PTPN21: variants seen among roughly 807,000 people sequenced by gnomAD.
The protein encoded by PTPN21 is tyrosine-protein phosphatase non-receptor type 21.
A neutral mutation model predicts 131.8 loss-of-function variants in PTPN21; 77 were observed. The ratio of observed to expected loss-of-function variants is 0.58; its 90% CI spans 0.49 to 0.71. PTPN21 has a LOEUF of 0.71. Ranked by LOEUF, PTPN21 falls within the 30% of genes least tolerant of loss-of-function variation. The probability of loss-of-function intolerance (pLI) is 0.00; values close to 1 mark genes in which losing one functional copy is unlikely to be tolerated. For missense variants in PTPN21, 1,552 were observed against 1,527.1 expected (o/e 1.02, Z -0.27); for synonymous variants, 715 against 621.3 (o/e 1.15, Z -2.24).
rs2077379097 is a variant in PTPN21 at position 88,467,250 on chromosome 14, T to C, written c.*887A>G. 1 of 151,586 alleles carries C rather than the reference T, an allele frequency of 6.6e-6. No individual in the cohort carries two copies. The highest frequency in any genetic ancestry group is 6.6e-5 in the Admixed American group (1 of 15,254). The allele number at this position is 151,586 out of a possible 1,614,324, so 9.4% of individuals were successfully genotyped here. ...ATTGTGTCATCTACAAAGCAACACA[T>C]ATATTAAAACTCAGATTTGTTTTTA... On this transcript the variant is annotated 3_prime_UTR_variant, in exon 19 of 19. Transcript: ENST00000556564.
At chr14:88,476,021 C>A (rs935317229) in intron 13 of PTPN21, among the ~76,000 whole-genome samples, 2 of 152,142 alleles carry the variant, frequency 1.3e-5, no homozygotes, top group African/African-American at 2.4e-5. Flanking sequence ...AAGGGTACAA[C>A]AAAAAGAAAA....
intron 3 of PTPN21, chr14:88,515,293 C>T (rs552565995): frequency 1.3e-5 from 2 of 152,308 alleles, no homozygotes; most frequent in South Asian, 4.1e-4. Context: ...TATTGATTGA[C>T]TCTAATAGGC....
At chr14:88,493,852 G>C (rs976512628) in intron 10 of PTPN21, among the ~76,000 whole-genome samples, 4 of 152,188 alleles carry the variant, frequency 2.6e-5, no homozygotes, top group African/African-American at 4.8e-5. Context: ...ACAGCACCAA[G>C]ACATCTTGAA....
chr14:88,552,287 C>T (rs1244511329), intron 1 of PTPN21: 1 of 152,328 alleles, frequency 6.6e-6, no homozygotes, highest in South Asian at 2.1e-4. Context: ...GAATGGCAGA[C>T]CTGGAGAAAA....
At chr14:88,551,106 T>C (rs1026455132) in intron 1 of PTPN21, 1 of 152,132 alleles carries the variant, frequency 6.6e-6, no homozygotes, top group Non-Finnish European at 1.5e-5. Context: ...TAATCCCCAC[T>C]AAGAAAGGCA....
At chr14:88,493,201 GAC>G (rs2077851285) in intron 10 of PTPN21, 1 of 385,480 alleles carries the variant, frequency 2.6e-6, no homozygotes, top group South Asian at 1.9e-5. Context: ...TATAATGCTT[GAC>G]ACAGAGCAAG....
chr14:88,469,909 A>C lies in PTPN21; in HGVS notation c.3000+13T>G. On this transcript the variant is annotated intron_variant, in intron 16 of 18. Transcript: ENST00000556564. This position sits in a 1 kb window ranked among gnomAD's most constrained non-coding sequence, Gnocchi z 4.3. ...GAGGCTGAGAAAATCACTTAAGAGA[A>C]ATAAGTACCTACCTCTTCTGCTGTC... is the stretch of plus-strand genomic sequence containing the variant. 1 of 1,613,858 alleles carries C rather than the reference A, an allele frequency of 6.2e-7. No individual in the cohort carries two copies.
At chr14:88,549,887 C>T (rs1346360120) in intron 2 of PTPN21, among the ~76,000 whole-genome samples, 2 of 151,938 alleles carry the variant, frequency 1.3e-5, no homozygotes, top group African/African-American at 2.4e-5. Flanking sequence ...CTCAGCCTCC[C>T]GAGTAGGTAG....
chr14:88,468,933 A>G lies in PTPN21; in HGVS notation c.3379T>C (p.Cys1127Arg). 1.9e-6 allele frequency: 3 copies of G among 1,614,192 alleles called. No individual in the cohort carries two copies. Among genetic ancestry groups the G allele is most frequent in the Non-Finnish European group, 2.5e-6 (3 of 1,180,026 alleles). Residue 1127 changes from cysteine to arginine, a missense_variant, in exon 18 of 19, where the codon TGC becomes CGC. Transcript: ENST00000556564. ...VVILSEIMIA[C>R]LEHNEVLDIP... ...GCCATCACCTCATTGTGTTCCAGGC[A>G]GGCGATCATGATCTCCGACAAAATC...
At chr14:88,541,280 G>C (rs1050969685) in intron 2 of PTPN21, among the ~76,000 whole-genome samples, 2 of 152,108 alleles carry the variant, frequency 1.3e-5, no homozygotes, top group African/African-American at 4.8e-5. Context: ...TGTATGTTCT[G>C]TCAATTCATT....
chr14:88,479,782 T>C lies in PTPN21; in HGVS notation c.1649A>G (p.Gln550Arg), dbSNP rs776912650. The stretch of plus-strand genomic sequence containing the variant: ...CATGATGTTGGGAGACGGGTAGTCC[T>C]GCGCCTGCAGCTGCGCATTGGTCAG... The part of the protein sequence containing the change: ...PELTNAQLQA[Q>R]DYPSPNIMRT... The change falls in exon 13 of 19, where the codon CAG (glutamine) becomes CGG (arginine). Residue 550 changes from glutamine to arginine, a missense_variant. Gln to Arg is a conservative substitution (Grantham distance 43, BLOSUM62 1). Coordinates refer to ENST00000556564, the MANE Select transcript of PTPN21 (RefSeq NM_007039.4). 5.2e-6 allele frequency: 8 copies of C among 1,545,148 alleles called. No individual in the cohort carries two copies. Among genetic ancestry groups the C allele is most frequent in the South Asian group, 3.7e-5 (3 of 81,006 alleles).
chr14:88,544,981 T>C (rs910673360), intron 2 of PTPN21, among the ~76,000 whole-genome samples: 8 of 151,974 alleles, frequency 5.3e-5, no homozygotes, highest in African/African-American at 1.9e-4. Context: ...GCATACACCA[T>C]CACGCATGGG....
At chr14:88,470,228 A>G (rs898797709) in intron 15 of PTPN21, 178 bp from the exon 16 acceptor site, 2 of 620,314 alleles carry the variant, frequency 3.2e-6, no homozygotes, top group African/African-American at 3.7e-5. Flanking sequence ...TTGTGAATAC[A>G]ATTTGCATTA....
At chr14:88,501,470 T>C in intron 6 of PTPN21, 102 bp from the exon 7 acceptor site, 2 of 1,009,772 alleles carry the variant, frequency 2.0e-6, no homozygotes, top group South Asian at 1.4e-5. Context: ...TAAGACATTA[T>C]AAACATTTCA....
At chr14:88,477,446 TA>T (rs59381948) in intron 13 of PTPN21, among the ~76,000 whole-genome samples, 1,290 of 76,310 alleles carry the variant, frequency 0.017, 24 homozygotes, top group Middle Eastern at 0.033. Context: ...AAGACTGTTC[TA>T]AAAAAAAAAA....
chr14:88,538,124 T>C (rs2078655501), intron 2 of PTPN21, among the ~76,000 whole-genome samples: 2 of 152,212 alleles, frequency 1.3e-5, no homozygotes, highest in Non-Finnish European at 2.9e-5. Flanking sequence ...AAAGCTAATA[T>C]GCTCTATGTG....
chr14:88,514,551 G>A (rs929809240), intron 3 of PTPN21, among the ~76,000 whole-genome samples: 4 of 150,734 alleles, frequency 2.7e-5, no homozygotes, highest in African/African-American at 7.3e-5. Flanking sequence ...TGCAACCTCC[G>A]CCTCCCGAGT....
chr14:88,480,100 G>C lies in PTPN21; in HGVS notation c.1331C>G (p.Ser444Cys). The C allele has an allele frequency of 6.2e-7, 1 of 1,614,206 alleles. No homozygotes were observed. Among genetic ancestry groups the C allele is most frequent in the Non-Finnish European group, 8.5e-7 (1 of 1,180,042 alleles). Residue 444 changes from serine to cysteine, a missense_variant, in exon 13 of 19, where the codon TCC (serine) becomes TGC (cysteine). By Grantham distance (112) the Ser-to-Cys change is moderately radical. Transcript: ENST00000556564. The stretch of plus-strand genomic sequence containing the variant: ...CTCATAGTCTGGGGTGGGGCGGTAG[G>C]ACGGGGGTATCACGGCGCTGTGCCG... ...SHRHSAVIPPSYRPTPDYETV... is the reference protein window; with the variant it reads ...SHRHSAVIPPCYRPTPDYETV...
In PTPN21 at chr14:88,472,471, A is replaced by T. The variant is rs369379437; in HGVS notation, c.2650-6T>A. Reference sequence around the variant, plus strand: ...CGTTGTTCCAGAATTTTACACTATAAAACAGAATATGTGTAATAACATGAA... The same window carrying T: ...CGTTGTTCCAGAATTTTACACTATATAACAGAATATGTGTAATAACATGAA... On this transcript the variant is annotated splice_region_variant and splice_polypyrimidine_tract_variant and intron_variant, in intron 14 of 18. Coordinates refer to ENST00000556564, the MANE Select transcript of PTPN21 (RefSeq NM_007039.4). 9.6e-6 allele frequency: 15 copies of T among 1,556,068 alleles called. No individual in the cohort carries two copies. The highest frequency in any genetic ancestry group is 1.3e-5 in the Non-Finnish European group (15 of 1,128,078).
Sources: gnomAD v4.1 joint callset for allele counts (sites outside exome capture counted in the v4.1 genomes callset) on GRCh38, gnomAD v4.1.1 for gene constraint, Gnocchi (gnomAD v3.1) non-coding constraint, MANE v1.5 for transcripts, NCBI Gene and HGNC (gene_info 2026-07-23, HGNC 2026-07-21) for gene names.